PTPRD: variants seen among roughly 807,000 people sequenced by gnomAD.
PTPRD encodes receptor-type tyrosine-protein phosphatase delta.
PTPRD carries 34 observed loss-of-function variants against 214.5 expected under a neutral mutation model. The ratio of observed to expected loss-of-function variants is 0.16; its 90% CI spans 0.12 to 0.21. The LOEUF is 0.21. Among genes scored for constraint, PTPRD ranks in the 10% least tolerant of loss-of-function variants. PTPRD has a pLI of 1.00. For missense variants in PTPRD, 2,545 were observed against 2,398.7 expected (o/e 1.06, Z -1.27); for synonymous variants, 1,128 against 845.7 (o/e 1.33, Z -5.79).
intron 9 of PTPRD, among the ~76,000 whole-genome samples, chr9:9,245,412 A>G (rs1316164420): frequency 1.3e-5 from 2 of 152,286 alleles, no homozygotes; most frequent in East Asian, 3.9e-4. Context: ...AATGTGGCAC[A>G]TATACACCAC....
intron 14 of PTPRD, among the ~76,000 whole-genome samples, chr9:8,547,983 C>G (rs868850152): frequency 6.6e-6 from 1 of 152,092 alleles, no homozygotes; most frequent in African/African-American, 2.4e-5. Flanking sequence ...AAAGTTGTAC[C>G]ATGTAAGGTG....
At chr9:9,531,555 A>G (rs1347291875) in intron 8 of PTPRD, among the ~76,000 whole-genome samples, 2 of 152,158 alleles carry the variant, frequency 1.3e-5, no homozygotes, top group African/African-American at 4.8e-5. Context: ...AATTATTGTA[A>G]TGATTACATG....
rs1163343631 is a variant in PTPRD, at chr9:8,733,802, G to C, written c.42C>G (p.Phe14Leu). 6.4e-7 allele frequency: 1 copy of C among 1,553,100 alleles called. No individual in the cohort carries two copies. The highest frequency in any genetic ancestry group is 2.0e-5 in the Admixed American group (1 of 51,210). ...TACTCTCAGCATCCGTGCGGAGGAA[G>C]AAAGTGAGGAGCAGCAGCAGCAGCC... ...VARLLLLLLTFFLRTDAETPP... is the reference protein window; with the variant it reads ...VARLLLLLLTLFLRTDAETPP... The change falls in exon 12 of 46, where the codon TTC (phenylalanine) becomes TTG (leucine). Residue 14 changes from phenylalanine (F) to leucine (L), a missense_variant. By Grantham distance (22) the Phe-to-Leu change is conservative. Coordinates refer to ENST00000381196, the MANE Select transcript of PTPRD (RefSeq NM_002839.4).
At chr9:9,676,803 T>G (rs1182072982) in intron 7 of PTPRD, among the ~76,000 whole-genome samples, 3 of 152,276 alleles carry the variant, frequency 2.0e-5, no homozygotes, top group Admixed American at 2.0e-4. Context: ...TCCTGACTTT[T>G]TAATGATCGC....
chr9:8,452,861 G>A (rs563824006), intron 33 of PTPRD, among the ~76,000 whole-genome samples: 11 of 152,292 alleles, frequency 7.2e-5, no homozygotes, highest in African/African-American at 2.6e-4. Context: ...GAGAAGTTGA[G>A]TGAAAGATCA....
At chr9:9,789,481 C>A (rs981991205) in intron 5 of PTPRD, among the ~76,000 whole-genome samples, 1 of 152,082 alleles carries the variant, frequency 6.6e-6, no homozygotes, top group Non-Finnish European at 1.5e-5. Context: ...GGGAGATAAT[C>A]GACATATTCC....
intron 33 of PTPRD, among the ~76,000 whole-genome samples, chr9:8,455,723 C>T (rs755499538): frequency 2.6e-5 from 4 of 152,126 alleles, no homozygotes; most frequent in Admixed American, 6.5e-5. Context: ...TAGTGATTTA[C>T]GTAGTGTGCC....
intron 7 of PTPRD, among the ~76,000 whole-genome samples, chr9:9,645,682 T>C (rs1564278112): frequency 6.6e-6 from 1 of 152,072 alleles, no homozygotes; most frequent in East Asian, 1.9e-4. Context: ...ATTGATATTT[T>C]CTTTCATTTT....
chr9:9,484,125 T>A (rs1156322258), intron 8 of PTPRD, among the ~76,000 whole-genome samples: 3 of 151,928 alleles, frequency 2.0e-5, no homozygotes, highest in Non-Finnish European at 4.4e-5. Flanking sequence ...AATAAGAGAT[T>A]GATTTAAACT....
At chr9:10,610,212 A>G (rs528001360) in intron 2 of PTPRD, among the ~76,000 whole-genome samples, 1 of 152,228 alleles carries the variant, frequency 6.6e-6, no homozygotes, top group Admixed American at 6.5e-5. Context: ...TTTATCTGTT[A>G]TTATATAGAG....
At chr9:10,005,079 G>T (rs984422855) in intron 4 of PTPRD, among the ~76,000 whole-genome samples, 1 of 151,976 alleles carries the variant, frequency 6.6e-6, no homozygotes, top group Admixed American at 6.6e-5. Flanking sequence ...AGTGTAAAAC[G>T]TGGACACTAT....
At chr9:9,455,083 A>C (rs2092798816) in intron 8 of PTPRD, among the ~76,000 whole-genome samples, 1 of 151,646 alleles carries the variant, frequency 6.6e-6, no homozygotes, top group Non-Finnish European at 1.5e-5. Flanking sequence ...TTGAAATATA[A>C]AAGAAGTAAA....
intron 11 of PTPRD, among the ~76,000 whole-genome samples, chr9:8,767,582 A>G (rs1323427665): frequency 1.3e-5 from 2 of 152,240 alleles, no homozygotes; most frequent in Non-Finnish European, 2.9e-5. Context: ...ACGTTGAGTC[A>G]TAATAGATGG....
chr9:8,357,605 C>T (rs528742629), intron 39 of PTPRD, among the ~76,000 whole-genome samples: 2 of 152,298 alleles, frequency 1.3e-5, no homozygotes, highest in Non-Finnish European at 2.9e-5. Context: ...GAACAAACTG[C>T]TCCTTAGTAA....
intron 4 of PTPRD, among the ~76,000 whole-genome samples, chr9:9,973,419 C>G (rs961641943): frequency 6.6e-6 from 1 of 151,758 alleles, no homozygotes; most frequent in East Asian, 1.9e-4. Context: ...TTTCAGTGAG[C>G]TGAAATCATG....
intron 14 of PTPRD, among the ~76,000 whole-genome samples, chr9:8,531,779 T>C (rs540974622): frequency 6.2e-4 from 95 of 152,222 alleles, no homozygotes; most frequent in African/African-American, 2.2e-3. Flanking sequence ...TGCTGATCAG[T>C]GGCAAGTGCC....
At chr9:9,443,348 T>G (rs1305041033) in intron 8 of PTPRD, among the ~76,000 whole-genome samples, 1 of 152,178 alleles carries the variant, frequency 6.6e-6, no homozygotes, top group African/African-American at 2.4e-5. Context: ...TTAAACCACT[T>G]CAGAAACTAA....
At chr9:8,732,145 G>GT (rs1267321331) in intron 12 of PTPRD, among the ~76,000 whole-genome samples, 1 of 152,168 alleles carries the variant, frequency 6.6e-6, no homozygotes, top group Non-Finnish European at 1.5e-5. Flanking sequence ...AGAAAAGATT[G>GT]TTTTTTCAAA....
At chr9:10,239,907 AGCC>A (rs1444688674) in intron 3 of PTPRD, among the ~76,000 whole-genome samples, 1 of 151,714 alleles carries the variant, frequency 6.6e-6, no homozygotes, top group African/African-American at 2.4e-5. Context: ...TTTTCCCCAA[AGCC>A]AGCTGTAAAA....
Sources: allele counts gnomAD v4.1 joint callset (sites outside exome capture counted in the v4.1 genomes callset), GRCh38; gene constraint gnomAD v4.1.1; transcripts MANE v1.5; gene names NCBI Gene and HGNC (gene_info 2026-07-23, HGNC 2026-07-21).